SHB: variants seen among roughly 807,000 people sequenced by gnomAD.
The protein encoded by SHB is SH2 domain containing adaptor protein B.
In SHB, 20 loss-of-function variants were observed where a neutral mutation model predicts 52.3. The observed-to-expected ratio is 0.38, with a 90% CI of 0.27 to 0.56. The LOEUF (loss-of-function observed/expected upper bound fraction) is 0.56, where lower values mean the gene tolerates loss of function less well. SHB is among the 20% of genes least tolerant of loss of function. The pLI is 0.71. For missense variants in SHB, 825 were observed against 723.3 expected (o/e 1.14, Z -1.61); for synonymous variants, 397 against 316.5 (o/e 1.25, Z -2.70).
chr9:38,024,236 A>T (rs115031736), intron 1 of SHB, among the ~76,000 whole-genome samples: 1 of 152,190 alleles, frequency 6.6e-6, no homozygotes, highest in Admixed American at 6.5e-5. Context: ...ATCACCACTA[A>T]AGTGTCTTCC....
chr9:38,027,723 G>C (rs1310909588), intron 1 of SHB, among the ~76,000 whole-genome samples: 1 of 151,802 alleles, frequency 6.6e-6, no homozygotes, highest in Non-Finnish European at 1.5e-5. Context: ...CTGGGGGTCA[G>C]GCACCAACTC....
intron 2 of SHB, among the ~76,000 whole-genome samples, chr9:37,996,407 G>A (rs1820946841): frequency 6.6e-6 from 1 of 152,224 alleles, no homozygotes; most frequent in Non-Finnish European, 1.5e-5. Context: ...CCAGCCCTTG[G>A]GTGGAGGGTC....
intron 1 of SHB, among the ~76,000 whole-genome samples, chr9:38,034,844 G>A (rs939632152): frequency 1.2e-4 from 19 of 152,208 alleles, no homozygotes; most frequent in African/African-American, 4.1e-4. Flanking sequence ...TTACAGGTGT[G>A]CACCACCATG....
chr9:37,926,253 A>G (rs948586744), intron 5 of SHB, among the ~76,000 whole-genome samples: 5 of 148,156 alleles, frequency 3.4e-5, no homozygotes, highest in Non-Finnish European at 7.4e-5. Flanking sequence ...TTTATGACTC[A>G]CAACTTCTGC....
At chr9:38,018,646 A>G (rs543461048) in intron 1 of SHB, among the ~76,000 whole-genome samples, 11 of 152,228 alleles carry the variant, frequency 7.2e-5, no homozygotes, top group Admixed American at 5.2e-4. Context: ...GAGCAACCTG[A>G]AACTTTGCAA....
At chr9:37,952,239 G>A (rs192399299) in intron 4 of SHB, among the ~76,000 whole-genome samples, 2 of 152,324 alleles carry the variant, frequency 1.3e-5, no homozygotes, top group East Asian at 3.9e-4. Flanking sequence ...GGGGCTGTAT[G>A]AGATGCCCGC....
At chr9:37,935,484 C>T (rs985763474) in intron 5 of SHB, among the ~76,000 whole-genome samples, 4 of 152,154 alleles carry the variant, frequency 2.6e-5, no homozygotes, top group African/African-American at 9.7e-5. Context: ...ATGTAGAGCA[C>T]TGCTATGGCC....
intron 2 of SHB, among the ~76,000 whole-genome samples, chr9:37,989,076 T>TAC (rs201637939): frequency 0.15 from 18,925 of 129,522 alleles, 1,463 homozygotes; most frequent in African/African-American, 0.26. Context: ...CACATGCACA[T>TAC]ACACACACAC....
Position 37,930,639 on chromosome 9 carries a change from G to A in SHB, c.1347-10635C>T, listed in dbSNP as rs1199094747. ...ATGAAGCGGACTCACTATCCACAAA[G>A]CACCTTATCTAACTTAGTTTTATTT... is the stretch of plus-strand genomic sequence containing the variant. On this transcript the variant is annotated intron_variant, in intron 5 of 5. Coordinates refer to ENST00000377707, the MANE Select transcript of SHB (RefSeq NM_003028.3). Among the ~76,000 whole-genome samples, 37 of 152,088 alleles carry A rather than the reference G, an allele frequency of 2.4e-4. 2 individuals are homozygous for A. Among genetic ancestry groups the A allele is most frequent in the Admixed American group, 2.4e-3 (37 of 15,276 alleles).
chr9:38,015,723 T>C (rs1396402353), intron 2 of SHB, among the ~76,000 whole-genome samples: 1 of 152,220 alleles, frequency 6.6e-6, no homozygotes, highest in Admixed American at 6.5e-5. Context: ...AACTACTTTT[T>C]CTCCCTCCTC....
Position 37,967,471 on chromosome 9 carries a change from G to T in SHB, c.1054+7151C>A, listed in dbSNP as rs929239765. Among the ~76,000 whole-genome samples the T allele has an allele frequency of 1.1e-4, 17 of 152,262 alleles. No individual in the cohort carries two copies. The East Asian group carries it at 2.9e-3, about 26-fold the overall frequency. On this transcript the variant is annotated intron_variant, in intron 3 of 5. Transcript: ENST00000377707. Reference sequence around the variant, plus strand: ...GTCTAGTGCGTATCTAGCTATTTCCGAATAAACCAATGTACTCCAGTACAG... The same window carrying T: ...GTCTAGTGCGTATCTAGCTATTTCCTAATAAACCAATGTACTCCAGTACAG...
chr9:38,055,605 C>T (rs1448033955), intron 1 of SHB, among the ~76,000 whole-genome samples: 1 of 152,168 alleles, frequency 6.6e-6, no homozygotes, highest in African/African-American at 2.4e-5. Flanking sequence ...CTCTTGTCTG[C>T]TCAGGGAGTC....
In SHB at chr9:37,925,099, G is replaced by A. The variant is rs969487977; in HGVS notation, c.1347-5095C>T. 3.3e-5 allele frequency among the ~76,000 whole-genome samples: 5 copies of A among 152,188 alleles called. No individual in the cohort carries two copies. In the South Asian group the frequency reaches 8.3e-4, roughly 25 times the overall value. ...ACATACATGCCTGGCACACAGCTGG[G>A]GCACTGTGCCCATCACCCATCCACC... On this transcript the variant is annotated intron_variant, in intron 5 of 5. Coordinates refer to ENST00000377707, the MANE Select transcript of SHB (RefSeq NM_003028.3).
intron 5 of SHB, among the ~76,000 whole-genome samples, chr9:37,933,311 T>A (rs1832334287): frequency 6.6e-6 from 1 of 152,210 alleles, no homozygotes; most frequent in South Asian, 2.1e-4. Context: ...CAGAACTGGG[T>A]GTTGGGGTCC....
rs148422998 is a variant in SHB, at chr9:37,946,824, C to G, written c.1346+1811G>C. 9.8e-4 allele frequency among the ~76,000 whole-genome samples: 150 copies of G among 152,328 alleles called. 1 individual carries two copies. The highest frequency in any genetic ancestry group is 3.5e-3 in the African/African-American group (144 of 41,578). On this transcript the variant is annotated intron_variant, in intron 5 of 5. Transcript: ENST00000377707. ...ACTCAGAGACAGATGGGGAGGGAGACAGAGTGATAACCCCCAATGACCAGC... is the reference window on the plus strand; with the variant it reads ...ACTCAGAGACAGATGGGGAGGGAGAGAGAGTGATAACCCCCAATGACCAGC...
At chr9:38,011,564 C>T (rs114327139) in intron 2 of SHB, among the ~76,000 whole-genome samples, 1,981 of 152,240 alleles carry the variant, frequency 0.013, 42 homozygotes, top group African/African-American at 0.045. Flanking sequence ...ACGCAGATCA[C>T]AGTGAAACAT....
At chr9:37,963,387 A>G (rs1231604323) in intron 3 of SHB, among the ~76,000 whole-genome samples, 2 of 152,188 alleles carry the variant, frequency 1.3e-5, no homozygotes, top group Admixed American at 6.5e-5. Context: ...GACTGCTTGC[A>G]AGGAGCTCTC....
At chr9:38,004,118 C>G (rs1489021973) in intron 2 of SHB, among the ~76,000 whole-genome samples, 1 of 152,182 alleles carries the variant, frequency 6.6e-6, no homozygotes, top group Non-Finnish European at 1.5e-5. Flanking sequence ...CCAGCTGTTG[C>G]GGAAGCCTCT....
intron 1 of SHB, among the ~76,000 whole-genome samples, chr9:38,056,249 A>C (rs1821814358): frequency 6.6e-6 from 1 of 152,222 alleles, no homozygotes; most frequent in Admixed American, 6.5e-5. Context: ...CATACAATGA[A>C]ATCAAACTCT....
Sources: gnomAD v4.1 joint callset for allele counts (sites outside exome capture counted in the v4.1 genomes callset) on GRCh38, gnomAD v4.1.1 for gene constraint, MANE v1.5 for transcripts, NCBI Gene and HGNC (gene_info 2026-07-23, HGNC 2026-07-21) for gene names.